The following ATAD2 variants were observed in gnomAD, a reference collection of about 807,000 sequenced individuals.
ATAD2 encodes the protein ATPase family AAA domain containing 2.
Under a neutral mutation model 168.9 loss-of-function variants are expected in ATAD2, and 62 were observed. That is an observed-to-expected ratio of 0.37 (90% CI 0.30 to 0.45). The LOEUF (loss-of-function observed/expected upper bound fraction) is 0.45. ATAD2 is among the 20% of genes least tolerant of loss of function. The pLI is 1.00. For synonymous variants in ATAD2, 613 were observed against 571.6 expected, an observed-to-expected ratio of 1.07 and a Z score of -1.03; for missense variants, 1,419 against 1,667.8, an observed-to-expected ratio of 0.85 and a Z score of 2.60.
chr8:123,395,768 C>T (rs538801452), intron 1 of ATAD2, among the ~76,000 whole-genome samples: 23 of 152,252 alleles, frequency 1.5e-4, no homozygotes, highest in Admixed American at 7.2e-4. Flanking sequence ...GCCCCCTCCC[C>T]CCCAACGTTT....
intron 1 of ATAD2, among the ~76,000 whole-genome samples, chr8:123,414,193 T>A (rs1220015203): frequency 6.6e-6 from 1 of 151,604 alleles, no homozygotes; most frequent in Admixed American, 6.6e-5. Flanking sequence ...ATTTATATTA[T>A]ATGCTACCAA....
At chr8:123,368,111 AG>A (rs1829034251) in intron 8 of ATAD2, among the ~76,000 whole-genome samples, 1 of 152,218 alleles carries the variant, frequency 6.6e-6, no homozygotes, top group Non-Finnish European at 1.5e-5. Context: ...TGCATTGATG[AG>A]GAAGTATCAA....
intron 2 of ATAD2, among the ~76,000 whole-genome samples, chr8:123,379,205 T>C (rs529627981): frequency 1.3e-5 from 2 of 152,168 alleles, no homozygotes; most frequent in African/African-American, 4.8e-5. Context: ...TCCATTAAAA[T>C]TGATTTCTTG....
chr8:123,401,046 C>A, upstream of ATAD2: 2 of 1,571,258 alleles, frequency 1.3e-6, no homozygotes, highest in Non-Finnish European at 1.7e-6. Context: ...CGGTGGGCAT[C>A]GTCACTTCCC....
At chr8:123,349,669 T>G (rs1359845974) in intron 13 of ATAD2, among the ~76,000 whole-genome samples, 1 of 151,836 alleles carries the variant, frequency 6.6e-6, no homozygotes, top group East Asian at 1.9e-4. Context: ...CCCCCACAAA[T>G]GAATCCTAGA....
chr8:123,406,953 T>G (rs1284254632), intron 1 of ATAD2, among the ~76,000 whole-genome samples: 1 of 152,182 alleles, frequency 6.6e-6, no homozygotes, highest in Non-Finnish European at 1.5e-5. Context: ...TTTGCAGATG[T>G]AATTAAAATC....
chr8:123,377,091 C>CAAAAAAA (rs58655606), intron 2 of ATAD2, among the ~76,000 whole-genome samples: 10,450 of 27,000 alleles, frequency 0.39, 3,718 homozygotes, highest in Middle Eastern at 0.5. Context: ...GACTCCGTCT[C>CAAAAAAA]AAAAAAAAAA....
intron 2 of ATAD2, among the ~76,000 whole-genome samples, chr8:123,373,113 C>T (rs1309635895): frequency 3.3e-5 from 5 of 151,576 alleles, no homozygotes; most frequent in South Asian, 2.1e-4. Context: ...AGGATGGTCT[C>T]GATCTCCTGA....
At chr8:123,330,225 A>C (rs1827739256) in intron 24 of ATAD2, among the ~76,000 whole-genome samples, 1 of 151,914 alleles carries the variant, frequency 6.6e-6, no homozygotes, top group African/African-American at 2.4e-5. Context: ...CCTGGCCTCA[A>C]GCAATCCTAC....
chr8:123,348,517 A>G (rs1218896811), intron 14 of ATAD2, among the ~76,000 whole-genome samples: 1 of 152,126 alleles, frequency 6.6e-6, no homozygotes, highest in East Asian at 1.9e-4. Flanking sequence ...TCTCTACTAA[A>G]AATACAAAGA....
intron 18 of ATAD2, 135 bp downstream of exon 18, chr8:123,345,951 C>A: frequency 1.7e-6 from 1 of 599,830 alleles, no homozygotes; most frequent in Middle Eastern, 2.7e-4. Flanking sequence ...ACTAAGCAAT[C>A]ATGCATAACT....
intron 21 of ATAD2, among the ~76,000 whole-genome samples, chr8:123,337,356 T>C (rs1827947556): frequency 6.6e-6 from 1 of 150,832 alleles, no homozygotes. Flanking sequence ...GGAGCAAAAC[T>C]CCGTTTCAAA....
intron 15 of ATAD2, among the ~76,000 whole-genome samples, chr8:123,347,821 T>A (rs1828301688): frequency 6.6e-6 from 1 of 152,142 alleles, no homozygotes; most frequent in African/African-American, 2.4e-5. Flanking sequence ...AAATAATATA[T>A]GTAAAATGCT....
At chr8:123,341,756 C>T (rs1828068379) in intron 19 of ATAD2, among the ~76,000 whole-genome samples, 1 of 152,190 alleles carries the variant, frequency 6.6e-6, no homozygotes, top group African/African-American at 2.4e-5. Flanking sequence ...ATGATTTACA[C>T]CACTTCCAAG....
chr8:123,336,632 CG>C (rs928974751), intron 21 of ATAD2, 100 bp from the exon 22 acceptor site: 1 of 858,382 alleles, frequency 1.2e-6, no homozygotes, highest in African/African-American at 1.8e-5. Flanking sequence ...AGAATAAATA[CG>C]TAAGAGATTA....
In ATAD2 at chr8:123,377,402, T is replaced by G. The variant is rs1829350963; in HGVS notation, c.320+3127A>C. On this transcript the variant is annotated intron_variant, in intron 2 of 27. Coordinates refer to ENST00000287394, the MANE Select transcript of ATAD2 (RefSeq NM_014109.4). ...TATTTTATTATACTCCCTTAAGACC[T>G]TTCTAACATAAAGCCAAACAATGTT... Among the ~76,000 whole-genome samples, 3 of 152,284 alleles carry G rather than the reference T, an allele frequency of 2.0e-5. No individual in the cohort carries two copies. The South Asian group carries it at 6.2e-4, about 32-fold the overall frequency.
chr8:123,325,640 C>G (rs1827592006), intron 26 of ATAD2, among the ~76,000 whole-genome samples: 1 of 151,902 alleles, frequency 6.6e-6, no homozygotes. Flanking sequence ...AGGCTGGTCT[C>G]GAACTCCTGA....
rs748411494 is a variant in ATAD2, at chr8:123,357,694, CAG to C, written c.1423_1424del (p.Leu475GlyfsTer8). 12 of 1,612,284 alleles carry C rather than the reference CAG, an allele frequency of 7.4e-6. No individual in the cohort carries two copies. Among genetic ancestry groups the C allele is most frequent in the African/African-American group, 1.3e-5 (1 of 74,818 alleles). ...ACTCATTGGCAAGTGCTCTGGCAAC[CAG>C]AGTCTTTCCAGTTCCAGGTGGCCCA... is the stretch of plus-strand genomic sequence containing the variant. ...FYGPPGTGKT[L>X]VARALANECS... On this transcript the variant is annotated frameshift_variant, in exon 12 of 28. Coordinates refer to ENST00000287394, the MANE Select transcript of ATAD2 (RefSeq NM_014109.4). LOFTEE classifies it high-confidence loss of function.
At chr8:123,380,305 G>A (rs1440756694) in intron 2 of ATAD2, among the ~76,000 whole-genome samples, 7 of 151,820 alleles carry the variant, frequency 4.6e-5, no homozygotes, top group East Asian at 1.9e-4. Context: ...TGTCTGCCTC[G>A]GCCTCCCAAA....
Sources: allele counts gnomAD v4.1 joint callset (sites outside exome capture counted in the v4.1 genomes callset), GRCh38; gene constraint gnomAD v4.1.1; transcripts MANE v1.5; gene names NCBI Gene and HGNC (gene_info 2026-07-23, HGNC 2026-07-21).